Variants in LRP1B observed in about 807,000 individuals in gnomAD.
LRP1B encodes the protein low-density lipoprotein receptor-related protein 1B.
A neutral mutation model predicts 556.6 loss-of-function variants in LRP1B; 217 were observed. That is an observed-to-expected ratio of 0.39 (90% CI 0.35 to 0.44). The LOEUF (loss-of-function observed/expected upper bound fraction) is 0.44. Ranked by LOEUF, LRP1B falls within the 20% of genes least tolerant of loss-of-function variation. The probability of loss-of-function intolerance (pLI) is 1.00; values close to 1 mark genes in which losing one functional copy is unlikely to be tolerated. For missense variants in LRP1B, 5,053 were observed against 5,620.8 expected (o/e 0.90, Z 3.23); for synonymous variants, 2,047 against 1,865.8 (o/e 1.10, Z -2.50).
chr2:141,057,369 C>T (rs1282588783), intron 9 of LRP1B, among the ~76,000 whole-genome samples: 2 of 151,860 alleles, frequency 1.3e-5, no homozygotes, highest in Non-Finnish European at 2.9e-5. Context: ...CTTGCCACTC[C>T]TTGAACAGTC....
chr2:141,162,450 T>C (rs770372109), intron 7 of LRP1B, among the ~76,000 whole-genome samples: 2 of 152,080 alleles, frequency 1.3e-5, no homozygotes, highest in Non-Finnish European at 2.9e-5. Context: ...GTTTATCTTT[T>C]CAATGATGTC....
intron 23 of LRP1B, among the ~76,000 whole-genome samples, chr2:140,900,990 G>A (rs1449488087): frequency 6.6e-6 from 1 of 152,136 alleles, no homozygotes; most frequent in East Asian, 1.9e-4. Flanking sequence ...TTATCAGTCT[G>A]ATGAAGCATG....
chr2:141,467,043 A>G (rs59166627), intron 3 of LRP1B, among the ~76,000 whole-genome samples: 49,950 of 147,030 alleles, frequency 0.34, 9,365 homozygotes, highest in East Asian at 0.53. Context: ...TTTGCTACAT[A>G]TGTAGCCCTC....
intron 41 of LRP1B, among the ~76,000 whole-genome samples, chr2:140,667,488 G>T (rs1685319972): frequency 6.6e-6 from 1 of 152,164 alleles, no homozygotes; most frequent in South Asian, 2.1e-4. Context: ...ACCTTGGATA[G>T]TATTGTTGGA....
intron 1 of LRP1B, among the ~76,000 whole-genome samples, chr2:142,112,325 T>C (rs1331917567): frequency 5.9e-5 from 9 of 151,678 alleles, no homozygotes; most frequent in African/African-American, 2.2e-4. Flanking sequence ...GTCAAACTCA[T>C]GTAAAAAATA....
intron 43 of LRP1B, among the ~76,000 whole-genome samples, chr2:140,542,677 T>C (rs1680180679): frequency 6.6e-6 from 1 of 152,054 alleles, no homozygotes; most frequent in African/African-American, 2.4e-5. Flanking sequence ...AGATTATAGG[T>C]AGCAGCACAC....
intron 11 of LRP1B, among the ~76,000 whole-genome samples, chr2:141,043,348 T>C (rs1698764408): frequency 2.0e-5 from 3 of 151,978 alleles, no homozygotes; most frequent in Admixed American, 2.0e-4. Flanking sequence ...GCAGTATGAC[T>C]TACGACTTGA....
At chr2:140,322,448 G>A (rs541693631) in intron 81 of LRP1B, among the ~76,000 whole-genome samples, 2 of 152,066 alleles carry the variant, frequency 1.3e-5, no homozygotes, top group South Asian at 4.2e-4. Flanking sequence ...TGGAAGTTTT[G>A]GGGGGATCTG....
At chr2:141,903,285 A>G (rs1330976468) in intron 1 of LRP1B, among the ~76,000 whole-genome samples, 4 of 151,894 alleles carry the variant, frequency 2.6e-5, no homozygotes, top group Admixed American at 6.6e-5. Context: ...TAAAGAAGAA[A>G]CTGTTATAAG....
At chr2:140,349,602 G>A (rs777028799) in intron 77 of LRP1B, among the ~76,000 whole-genome samples, 36 of 151,936 alleles carry the variant, frequency 2.4e-4, no homozygotes, top group Non-Finnish European at 4.1e-4. Flanking sequence ...GAAATAGAGA[G>A]TACCAAGAAG....
chr2:141,075,869 A>G (rs1678447949), intron 7 of LRP1B, among the ~76,000 whole-genome samples: 1 of 152,182 alleles, frequency 6.6e-6, no homozygotes, highest in South Asian at 2.1e-4. Context: ...TGAAACTTTA[A>G]CTACAGCACA....
chr2:141,075,979 G>C (rs554447076), intron 7 of LRP1B, among the ~76,000 whole-genome samples: 1 of 152,260 alleles, frequency 6.6e-6, no homozygotes, highest in East Asian at 1.9e-4. Flanking sequence ...TAAAATCATA[G>C]GATTATACAG....
At chr2:140,493,530 G>A (rs1325205857) in intron 56 of LRP1B, among the ~76,000 whole-genome samples, 4 of 151,690 alleles carry the variant, frequency 2.6e-5, no homozygotes, top group African/African-American at 9.7e-5. Context: ...ATTCTCAGTG[G>A]TTATAATCCT....
intron 1 of LRP1B, among the ~76,000 whole-genome samples, chr2:141,882,268 A>C (rs1698981159): frequency 6.6e-6 from 1 of 152,144 alleles, no homozygotes. Context: ...ATGATATTGA[A>C]TGTGAGCCTA....
At chr2:140,609,114 G>T (rs1270954763) in intron 41 of LRP1B, among the ~76,000 whole-genome samples, 2 of 152,124 alleles carry the variant, frequency 1.3e-5, no homozygotes, top group Non-Finnish European at 2.9e-5. Flanking sequence ...TGGCATGTCC[G>T]GAGCTGCTAG....
chr2:141,285,436 G>A (rs1378038306), intron 3 of LRP1B, among the ~76,000 whole-genome samples: 2 of 148,006 alleles, frequency 1.4e-5, no homozygotes, highest in African/African-American at 5.0e-5. Flanking sequence ...AATAGAAAAG[G>A]TGAGAATAAT....
chr2:141,055,627 T>C lies in LRP1B; in HGVS notation c.1409-368A>G, dbSNP rs571417071. 3.9e-5 allele frequency among the ~76,000 whole-genome samples: 6 copies of C among 152,018 alleles called. No individual in the cohort carries two copies. In the South Asian group the frequency reaches 1.2e-3, roughly 31 times the overall value. On this transcript the variant is annotated intron_variant, in intron 9 of 90. Coordinates refer to ENST00000389484, the MANE Select transcript of LRP1B (RefSeq NM_018557.3). ...TGAATACAAAGATCCACAAAAATAA[T>C]CCCAGGTTAGGTAGTTAAGCAGAGA... is the stretch of plus-strand genomic sequence containing the variant.
intron 2 of LRP1B, among the ~76,000 whole-genome samples, chr2:141,621,108 G>A (rs1688492450): frequency 6.6e-6 from 1 of 152,070 alleles, no homozygotes; most frequent in Non-Finnish European, 1.5e-5. Context: ...CAGTAATACA[G>A]GCCTGGTGAG....
Position 140,326,396 on chromosome 2 carries a change from C to T in LRP1B, c.12224-518G>A, listed in dbSNP as rs114550340. Among the ~76,000 whole-genome samples, 709 of 152,162 alleles carry T rather than the reference C, an allele frequency of 4.7e-3. 3 individuals are homozygous for T. The highest frequency in any genetic ancestry group is 7.6e-3 in the Non-Finnish European group (516 of 68,000). On this transcript the variant is annotated intron_variant, in intron 79 of 90. Transcript: ENST00000389484. ...ATTCAGAGTTGGCCAACGGTGTTAT[C>T]GGATATCTGTGTGCATGCTGAAGTT...
Sources: allele counts gnomAD v4.1 joint callset (sites outside exome capture counted in the v4.1 genomes callset), GRCh38; gene constraint gnomAD v4.1.1; transcripts MANE v1.5; gene names NCBI Gene and HGNC (gene_info 2026-07-23, HGNC 2026-07-21).